The following GALNT13 variants were observed in gnomAD, a reference collection of about 807,000 sequenced individuals.
GALNT13 encodes the protein polypeptide N-acetylgalactosaminyltransferase 13, also known as UDP-GalNAc:polypeptide N-acetylgalactosaminyltransferase 13.
GALNT13 carries 28 observed loss-of-function variants against 64.2 expected under a neutral mutation model. That is an observed-to-expected ratio of 0.44 (90% CI 0.32 to 0.60). The LOEUF is 0.60. Ranked by LOEUF, GALNT13 falls within the 20% of genes least tolerant of loss-of-function variation. The probability of loss-of-function intolerance (pLI) is 0.05; values close to 1 mark genes in which losing one functional copy is unlikely to be tolerated. For synonymous variants in GALNT13, 214 were observed against 224.6 expected (o/e 0.95, Z 0.42); for missense variants, 577 against 669.8 (o/e 0.86, Z 1.53).
At chr2:153,693,270 A>G in the GALNT13 span, among the ~76,000 whole-genome samples, 1 of 152,182 alleles carries the variant, frequency 6.6e-6, no homozygotes, top group East Asian at 1.9e-4. Context: ...CAGACTTTTG[A>G]ATTTTGAGAA....
chr2:153,103,907 A>G, the GALNT13 span, among the ~76,000 whole-genome samples: 17 of 152,188 alleles, frequency 1.1e-4, no homozygotes, highest in Admixed American at 6.6e-5. Flanking sequence ...TAGTGAAAAT[A>G]TAATTCTTCC....
chr2:153,481,579 T>C, the GALNT13 span, among the ~76,000 whole-genome samples: 1 of 152,222 alleles, frequency 6.6e-6, no homozygotes, highest in East Asian at 1.9e-4. Flanking sequence ...TTTATTTAAC[T>C]AGTGTCCTCT....
chr2:153,121,555 G>A, the GALNT13 span, among the ~76,000 whole-genome samples: 347 of 151,970 alleles, frequency 2.3e-3, 4 homozygotes, highest in African/African-American at 7.7e-3. Context: ...TTTTTGAGGC[G>A]GAGTCTCACT....
chr2:153,449,047 T>A, the GALNT13 span, among the ~76,000 whole-genome samples: 1 of 152,122 alleles, frequency 6.6e-6, no homozygotes, highest in South Asian at 2.1e-4. Context: ...TGTGTGTCTT[T>A]CTGTCTCTCT....
chr2:153,982,183 G>T (rs1422271145), intron 3 of GALNT13, among the ~76,000 whole-genome samples: 1 of 152,036 alleles, frequency 6.6e-6, no homozygotes, highest in African/African-American at 2.4e-5. Flanking sequence ...TATCATTTTA[G>T]TTAAGTGAAA....
chr2:153,444,150 CCTAT>C, the GALNT13 span, among the ~76,000 whole-genome samples: 10 of 152,092 alleles, frequency 6.6e-5, no homozygotes, highest in African/African-American at 1.4e-4. Context: ...CATCTATCTA[CCTAT>C]CTATCATCTA....
intron 4 of GALNT13, among the ~76,000 whole-genome samples, chr2:154,219,925 G>C (rs1353560835): frequency 6.6e-6 from 1 of 152,032 alleles, no homozygotes; most frequent in African/African-American, 2.4e-5. Context: ...TCAGCAGGGA[G>C]CAACCTAATT....
At chr2:153,910,609 T>C (rs1388207454) in intron 2 of GALNT13, among the ~76,000 whole-genome samples, 1 of 152,188 alleles carries the variant, frequency 6.6e-6, no homozygotes, top group African/African-American at 2.4e-5. Flanking sequence ...GCCTTATCTG[T>C]GTCCCAGAGA....
the GALNT13 span, among the ~76,000 whole-genome samples, chr2:153,322,865 A>G: frequency 6.6e-6 from 1 of 152,168 alleles, no homozygotes; most frequent in Non-Finnish European, 1.5e-5. Flanking sequence ...TCCATTGTGT[A>G]TATGTGCCAC....
chr2:153,274,344 A>G, the GALNT13 span, among the ~76,000 whole-genome samples: 2 of 152,224 alleles, frequency 1.3e-5, no homozygotes, highest in Non-Finnish European at 2.9e-5. Context: ...AAATCTAGAA[A>G]TAGGTACCAC....
At chr2:153,540,464 C>T in the GALNT13 span, among the ~76,000 whole-genome samples, 1 of 152,206 alleles carries the variant, frequency 6.6e-6, no homozygotes, top group South Asian at 2.1e-4. Flanking sequence ...GGAGCTCCCA[C>T]ACAGAGTCCC....
At chr2:153,117,317 A>G in the GALNT13 span, among the ~76,000 whole-genome samples, 3 of 152,192 alleles carry the variant, frequency 2.0e-5, no homozygotes, top group Admixed American at 2.0e-4. Flanking sequence ...ATGGGCAGTC[A>G]AGTGGTCATT....
chr2:154,378,717 T>A (rs1005331409), intron 9 of GALNT13, among the ~76,000 whole-genome samples: 5 of 152,030 alleles, frequency 3.3e-5, no homozygotes, highest in Non-Finnish European at 7.4e-5. Context: ...ATTTTTTTTT[T>A]AAATTTCACA....
the GALNT13 span, among the ~76,000 whole-genome samples, chr2:153,836,750 A>C: frequency 2.7e-5 from 4 of 149,376 alleles, no homozygotes; most frequent in Non-Finnish European, 5.9e-5. Context: ...GAGTGAGAAC[A>C]TGCGGTGTTT....
chr2:153,837,437 A>G, the GALNT13 span, among the ~76,000 whole-genome samples: 150 of 152,170 alleles, frequency 9.9e-4, no homozygotes, highest in East Asian at 0.028. Context: ...CCTGGCAACC[A>G]TTGTTCCATT....
At chr2:153,342,510 C>T in the GALNT13 span, among the ~76,000 whole-genome samples, 3 of 152,112 alleles carry the variant, frequency 2.0e-5, no homozygotes, top group Non-Finnish European at 2.9e-5. Flanking sequence ...TAAAATAGGT[C>T]TTCTTAATTA....
chr2:154,130,499 T>C (rs1304059745), intron 3 of GALNT13, among the ~76,000 whole-genome samples: 1 of 152,130 alleles, frequency 6.6e-6, no homozygotes, highest in Non-Finnish European at 1.5e-5. Context: ...TCACACTTAG[T>C]CCAGTATTAT....
the GALNT13 span, among the ~76,000 whole-genome samples, chr2:153,361,181 A>G: frequency 2.6e-5 from 4 of 152,286 alleles, no homozygotes; most frequent in East Asian, 7.7e-4. Context: ...AGGAATCAAC[A>G]AAAAATGTCC....
At chr2:153,502,593 G>C in the GALNT13 span, among the ~76,000 whole-genome samples, 3 of 152,052 alleles carry the variant, frequency 2.0e-5, no homozygotes, top group South Asian at 6.2e-4. Context: ...CTTTTTCTCT[G>C]GGTAGATACC....
Sources: allele counts gnomAD v4.1 joint callset (sites outside exome capture counted in the v4.1 genomes callset), GRCh38; gene constraint gnomAD v4.1.1; transcripts MANE v1.5; gene names NCBI Gene and HGNC (gene_info 2026-07-23, HGNC 2026-07-21).